ANO3: variants seen among roughly 807,000 people sequenced by gnomAD.
ANO3 encodes the protein anoctamin 3.
In ANO3, 99 loss-of-function variants were observed where a neutral mutation model predicts 144.8. The observed-to-expected ratio is 0.68, with a 90% confidence interval of 0.58 to 0.81. The LOEUF (loss-of-function observed/expected upper bound fraction) is 0.81. Ranked by LOEUF, ANO3 falls within the 30% of genes least tolerant of loss-of-function variation. The pLI, the probability that ANO3 is intolerant of heterozygous loss-of-function variation, is 0.00. For synonymous variants in ANO3, 414 were observed against 392.6 expected (o/e 1.05, Z -0.64); for missense variants, 905 against 1,202.2 (o/e 0.75, Z 3.66).
intron 21 of ANO3, among the ~76,000 whole-genome samples, chr11:26,641,208 ACT>A (rs1345915943): frequency 7.9e-6 from 1 of 127,362 alleles, no homozygotes; most frequent in Admixed American, 7.4e-5. Context: ...TGAGAAGCAG[ACT>A]CACGGACACA....
Position 26,610,352 on chromosome 11 carries a change from C to CT in ANO3, c.1836+10647dup, listed in dbSNP as rs1277633363. On this transcript the variant is annotated intron_variant, in intron 17 of 26. Transcript: ENST00000256737. ...ACATACCTGTTGACCATTTCAATGTCTTTTTTTTTGAGAACTGCCTATTAT... is the reference window on the plus strand; with the variant it reads ...ACATACCTGTTGACCATTTCAATGTCTTTTTTTTTTGAGAACTGCCTATTAT... 1.9e-4 allele frequency among the ~76,000 whole-genome samples: 20 copies of CT among 107,684 alleles called. No homozygotes were observed. In the South Asian group the frequency reaches 2.1e-3, roughly 12 times the overall value. 70.6% of individuals were successfully genotyped at this position (107,684 alleles called of 152,430 possible).
intron 1 of ANO3, among the ~76,000 whole-genome samples, chr11:26,378,644 C>A (rs1193635973): frequency 6.6e-6 from 1 of 151,796 alleles, no homozygotes; most frequent in Non-Finnish European, 1.5e-5. Flanking sequence ...TGAGCGGTTT[C>A]AATTAAAATA....
At chr11:26,482,654 G>A (rs1412566314) in intron 4 of ANO3, among the ~76,000 whole-genome samples, 2 of 152,038 alleles carry the variant, frequency 1.3e-5, no homozygotes, top group Non-Finnish European at 2.9e-5. Flanking sequence ...GAGCAGTTTT[G>A]CTACATGGAT....
intron 1 of ANO3, among the ~76,000 whole-genome samples, chr11:26,392,272 A>G (rs1236615786): frequency 6.9e-6 from 1 of 145,270 alleles, no homozygotes. Context: ...TATGGCATCT[A>G]ATGTGTTGGG....
intron 4 of ANO3, among the ~76,000 whole-genome samples, chr11:26,501,811 A>G (rs1474237862): frequency 1.3e-5 from 2 of 152,182 alleles, no homozygotes; most frequent in African/African-American, 4.8e-5. Flanking sequence ...TTTAGGACAA[A>G]AAACAGGACC....
At chr11:26,658,158 C>T (rs886091035) in intron 26 of ANO3, among the ~76,000 whole-genome samples, 5 of 130,288 alleles carry the variant, frequency 3.8e-5, no homozygotes, top group African/African-American at 5.3e-5. Context: ...GTTTCATTCT[C>T]GTGCACATAG....
intron 1 of ANO3, among the ~76,000 whole-genome samples, chr11:26,373,256 G>T (rs1386019163): frequency 6.6e-6 from 1 of 152,144 alleles, no homozygotes; most frequent in African/African-American, 2.4e-5. Context: ...TACATGTCGA[G>T]GGAGGAACCC....
At chr11:26,654,764 T>A (rs1565169498) in intron 24 of ANO3, among the ~76,000 whole-genome samples, 1 of 152,310 alleles carries the variant, frequency 6.6e-6, no homozygotes, top group East Asian at 1.9e-4. Context: ...CACATTAAGA[T>A]CCTACCAGAT....
chr11:26,330,743 C>T (rs1233477885), upstream of ANO3, among the ~76,000 whole-genome samples: 1 of 152,152 alleles, frequency 6.6e-6, no homozygotes, highest in African/African-American at 2.4e-5. Context: ...ATAATTGGAG[C>T]ATCTGTTTGT....
At chr11:26,430,095 A>G (rs1201952126) in intron 1 of ANO3, among the ~76,000 whole-genome samples, 2 of 151,996 alleles carry the variant, frequency 1.3e-5, no homozygotes, top group African/African-American at 2.4e-5. Context: ...AATACAAAAC[A>G]ATAAAAAATA....
At chr11:26,617,112 G>A (rs1489479605) in intron 17 of ANO3, among the ~76,000 whole-genome samples, 1 of 152,090 alleles carries the variant, frequency 6.6e-6, no homozygotes. Flanking sequence ...CAGAAATCAA[G>A]ATTTGGCTGA....
At chr11:26,196,085 T>G (rs906937058) in intron 1 of ANO3, among the ~76,000 whole-genome samples, 1 of 152,176 alleles carries the variant, frequency 6.6e-6, no homozygotes, top group Non-Finnish European at 1.5e-5. Flanking sequence ...AGATACATAT[T>G]GAATCTGAAA....
At chr11:26,635,902 A>G (rs570615706) in intron 20 of ANO3, among the ~76,000 whole-genome samples, 3 of 152,318 alleles carry the variant, frequency 2.0e-5, no homozygotes, top group South Asian at 2.1e-4. Flanking sequence ...AATTGGTGAT[A>G]AGAATAGCTA....
chr11:26,660,631 C>A lies in ANO3; in HGVS notation c.*187C>A. The A allele has an allele frequency of 1.8e-6, 1 of 545,404 alleles. No homozygotes were observed. The highest frequency in any genetic ancestry group is 3.1e-6 in the Non-Finnish European group (1 of 320,788). The allele number at this position is 545,404 out of a possible 1,614,324, so 33.8% of individuals were successfully genotyped here. ...AGACTTGTAGGGAAGAAAACAATGA[C>A]TTGACGACCTTAAAAAGGGTTAGAT... On this transcript the variant is annotated 3_prime_UTR_variant, in exon 27 of 27. Transcript: ENST00000256737.
At chr11:26,499,519 TA>T (rs34933634) in intron 4 of ANO3, among the ~76,000 whole-genome samples, 90,252 of 151,052 alleles carry the variant, frequency 0.6, 27,629 homozygotes, top group East Asian at 0.68. Context: ...TAAATTAACT[TA>T]TTTTTTTAGT....
intron 1 of ANO3, among the ~76,000 whole-genome samples, chr11:26,312,050 C>T (rs1170553668): frequency 6.6e-6 from 1 of 152,106 alleles, no homozygotes; most frequent in East Asian, 1.9e-4. Context: ...CACCCGGTGT[C>T]CAAGTATTCT....
At chr11:26,337,133 A>C (rs1353489493) in intron 1 of ANO3, among the ~76,000 whole-genome samples, 2 of 152,174 alleles carry the variant, frequency 1.3e-5, no homozygotes, top group African/African-American at 2.4e-5. Context: ...CCAAACTATA[A>C]AAAGAATATA....
intron 1 of ANO3, among the ~76,000 whole-genome samples, chr11:26,366,821 G>A (rs1856101206): frequency 7.2e-6 from 1 of 138,626 alleles, no homozygotes; most frequent in African/African-American, 3.0e-5. Context: ...TTTTTGATGG[G>A]GTTGTTTGTT....
In ANO3 at chr11:26,248,769, G is replaced by A. The variant is rs186688117; in HGVS notation, c.154+59439G>A. 3.4e-3 allele frequency among the ~76,000 whole-genome samples: 521 copies of A among 152,000 alleles called. 3 individuals are homozygous for A. Among genetic ancestry groups the A allele is most frequent in the Non-Finnish European group, 3.2e-3 (219 of 67,982 alleles). On this transcript the variant is annotated intron_variant, in intron 1 of 27. Coordinates refer to the ANO3 transcript ENST00000672621. ...TTGTTTGTTTTTGCCTTTATATCGC[G>A]GTCCCCAACCCTGGGCAGGGACTAG...
Sources: gnomAD v4.1 joint callset for allele counts (sites outside exome capture counted in the v4.1 genomes callset) on GRCh38, gnomAD v4.1.1 for gene constraint, MANE v1.5 for transcripts, NCBI Gene and HGNC (gene_info 2026-07-23, HGNC 2026-07-21) for gene names.